FHOD3: variants seen among roughly 807,000 people sequenced by gnomAD.
The protein encoded by FHOD3 is formin homology 2 domain containing 3.
A neutral mutation model predicts 173.0 loss-of-function variants in FHOD3; 90 were observed. The observed-to-expected ratio is 0.52, with a 90% CI of 0.44 to 0.62. The LOEUF (loss-of-function observed/expected upper bound fraction) is 0.62, where lower values mean the gene tolerates loss of function less well. Among genes scored for constraint, FHOD3 ranks in the 20% least tolerant of loss-of-function variants. The pLI, the probability that FHOD3 is intolerant of heterozygous loss-of-function variation, is 0.00. For missense variants in FHOD3, 1,945 were observed against 2,034.7 expected (o/e 0.96, Z 0.85); for synonymous variants, 828 against 823.0 (o/e 1.01, Z -0.10).
At chr18:36,448,190 G>A (rs2051608430) in intron 3 of FHOD3, among the ~76,000 whole-genome samples, 2 of 152,092 alleles carry the variant, frequency 1.3e-5, no homozygotes, top group Non-Finnish European at 2.9e-5. Context: ...GAATTTAAAA[G>A]GCAAGTGTGA....
intron 1 of FHOD3, among the ~76,000 whole-genome samples, chr18:36,336,400 C>T (rs1489679105): frequency 6.6e-6 from 1 of 152,184 alleles, no homozygotes; most frequent in Admixed American, 6.5e-5. Context: ...TAGAGTATCT[C>T]TAGATCCCAA....
chr18:36,474,176 A>G (rs779596367), intron 3 of FHOD3, among the ~76,000 whole-genome samples: 8 of 152,300 alleles, frequency 5.3e-5, no homozygotes, highest in South Asian at 2.1e-4. Context: ...TCCTTAAAGT[A>G]TCTTGATTTG....
intron 5 of FHOD3, among the ~76,000 whole-genome samples, chr18:36,519,955 ATTTTTTTTTT>A (rs11449846): frequency 7.6e-6 from 1 of 132,074 alleles, no homozygotes; most frequent in African/African-American, 2.9e-5. Context: ...CTTTTCTTTC[ATTTTTTTTTT>A]TTTTTTTTAA....
At chr18:36,433,102 T>G (rs371046353) in intron 3 of FHOD3, among the ~76,000 whole-genome samples, 1 of 152,186 alleles carries the variant, frequency 6.6e-6, no homozygotes, top group East Asian at 1.9e-4. Flanking sequence ...TAGGATAATC[T>G]CGCCTTTGAT....
chr18:36,581,070 A>G (rs1473263957), intron 6 of FHOD3, among the ~76,000 whole-genome samples: 2 of 152,264 alleles, frequency 1.3e-5, no homozygotes, highest in African/African-American at 2.4e-5. Flanking sequence ...ATTTGCAGAT[A>G]TTTGAGACTC....
intron 2 of FHOD3, among the ~76,000 whole-genome samples, chr18:36,360,882 G>C (rs2046574887): frequency 6.6e-6 from 1 of 152,160 alleles, no homozygotes; most frequent in African/African-American, 2.4e-5. Context: ...TCACACATTT[G>C]TCCAGGTTTC....
At chr18:36,634,316 C>T (rs74580485) in intron 10 of FHOD3, among the ~76,000 whole-genome samples, 1 of 152,038 alleles carries the variant, frequency 6.6e-6, no homozygotes, top group African/African-American at 2.4e-5. Flanking sequence ...GGGGAGCCTA[C>T]TTATGGAACT....
intron 15 of FHOD3, among the ~76,000 whole-genome samples, chr18:36,683,260 A>G (rs745331609): frequency 1.2e-4 from 18 of 152,244 alleles, no homozygotes; most frequent in Non-Finnish European, 2.2e-4. Context: ...GGAGATTGGC[A>G]TATTTTACCA....
intron 1 of FHOD3, among the ~76,000 whole-genome samples, chr18:36,328,334 A>C (rs752432677): frequency 6.6e-5 from 10 of 152,150 alleles, no homozygotes; most frequent in Non-Finnish European, 1.5e-4. Flanking sequence ...AGAGGAGAAC[A>C]CATGGCTCTG....
Position 36,717,934 on chromosome 18 carries a change from G to A in FHOD3, c.2636G>A (p.Arg879Lys). The change falls in exon 19 of 29, where the codon AGG becomes AAG. Residue 879 changes from arginine (R) to lysine (K), a missense_variant. By Grantham distance (26) the Arg-to-Lys change is conservative. This residue lies in a region of FHOD3 where 1,099 missense variants were observed against 1,051.2 expected (regional missense o/e 1.05). Transcript: ENST00000590592. ...FMLDMLYAHNRKSPDDEEKGD... is the reference protein window; with the variant it reads ...FMLDMLYAHNKKSPDDEEKGD... ...CTTGACATGCTGTATGCCCATAACA[G>A]GAAGTCTCCGGATGATGAGGAGAAG... 1 of 1,614,074 alleles carries A rather than the reference G, an allele frequency of 6.2e-7. No homozygotes were observed. The highest frequency in any genetic ancestry group is 2.2e-5 in the East Asian group (1 of 44,868).
intron 6 of FHOD3, among the ~76,000 whole-genome samples, chr18:36,576,849 T>A (rs1252908136): frequency 6.6e-6 from 1 of 152,234 alleles, no homozygotes; most frequent in East Asian, 1.9e-4. Context: ...ACACCGGTAA[T>A]CCCAGCACTT....
At chr18:36,548,128 G>C (rs967261585) in intron 5 of FHOD3, among the ~76,000 whole-genome samples, 3 of 152,106 alleles carry the variant, frequency 2.0e-5, no homozygotes, top group African/African-American at 7.2e-5. Context: ...GGAGGCGGAG[G>C]TTGCAGTGAG....
intron 19 of FHOD3, among the ~76,000 whole-genome samples, chr18:36,728,975 A>C (rs2041212866): frequency 6.6e-6 from 1 of 152,170 alleles, no homozygotes; most frequent in African/African-American, 2.4e-5. Context: ...ACAGTTTTTA[A>C]CAACCTAGAC....
At chr18:36,492,257 A>T (rs2054509674) in intron 3 of FHOD3, among the ~76,000 whole-genome samples, 1 of 152,056 alleles carries the variant, frequency 6.6e-6, no homozygotes, top group Admixed American at 6.5e-5. Context: ...ATGTCACCTC[A>T]TCTGAACCTC....
intron 3 of FHOD3, among the ~76,000 whole-genome samples, chr18:36,453,805 G>A (rs2052006439): frequency 6.6e-6 from 1 of 152,174 alleles, no homozygotes; most frequent in African/African-American, 2.4e-5. Flanking sequence ...TGGGGATGCG[G>A]CAGGTGTCCT....
At chr18:36,681,655 G>T (rs1347238133) in intron 15 of FHOD3, 85 bp downstream of exon 15, 4 of 1,394,260 alleles carry the variant, frequency 2.9e-6, no homozygotes, top group Middle Eastern at 2.1e-4. Flanking sequence ...TTTAATATTG[G>T]CATTAAAGGA....
chr18:36,735,757 A>G (rs1046854234), intron 20 of FHOD3, among the ~76,000 whole-genome samples: 3 of 152,156 alleles, frequency 2.0e-5, no homozygotes, highest in African/African-American at 7.2e-5. Flanking sequence ...TCAACTTTCA[A>G]CTTTGGTCAC....
At chr18:36,679,565 T>C (rs1315173387) in intron 14 of FHOD3, among the ~76,000 whole-genome samples, 2 of 152,162 alleles carry the variant, frequency 1.3e-5, no homozygotes, top group East Asian at 1.9e-4. Context: ...TTAGAGGTAT[T>C]CTACAAAACT....
At chr18:36,556,059 A>T (rs1047014104) in intron 5 of FHOD3, among the ~76,000 whole-genome samples, 1 of 151,736 alleles carries the variant, frequency 6.6e-6, no homozygotes, top group Non-Finnish European at 1.5e-5. Context: ...TTAGGTTTAA[A>T]CCTGTCATTT....
Sources: allele counts gnomAD v4.1 joint callset (sites outside exome capture counted in the v4.1 genomes callset), GRCh38; gene constraint gnomAD v4.1.1; regional missense constraint gnomAD v4.1.1; transcripts MANE v1.5; gene names NCBI Gene and HGNC (gene_info 2026-07-23, HGNC 2026-07-21).